ZRANB3: variants seen among roughly 807,000 people sequenced by gnomAD.
ZRANB3 encodes the protein DNA annealing helicase and endonuclease ZRANB3.
ZRANB3 carries 125 observed loss-of-function variants against 133.8 expected under a neutral mutation model. The ratio of observed to expected loss-of-function variants is 0.93; its 90% confidence interval spans 0.81 to 1.08. The LOEUF (loss-of-function observed/expected upper bound fraction) is 1.08. ZRANB3 is among the 50% of genes least tolerant of loss of function. The pLI is 0.00. For synonymous variants in ZRANB3, 387 were observed against 432.7 expected (o/e 0.89, Z 1.31); for missense variants, 1,229 against 1,275.5 (o/e 0.96, Z 0.56).
intron 12 of ZRANB3, among the ~76,000 whole-genome samples, chr2:135,250,946 T>C (rs769006072): frequency 4.6e-5 from 7 of 152,144 alleles, no homozygotes; most frequent in Non-Finnish European, 7.4e-5. Context: ...GACCCCAGAA[T>C]GGTAGATCCA....
intron 8 of ZRANB3, among the ~76,000 whole-genome samples, chr2:135,284,513 C>T (rs1217505110): frequency 6.6e-6 from 1 of 152,220 alleles, no homozygotes; most frequent in Admixed American, 6.5e-5. Flanking sequence ...GCTCTGTCGC[C>T]CAGGCTGGAG....
At chr2:135,444,257 G>C (rs958947411) in intron 2 of ZRANB3, among the ~76,000 whole-genome samples, 3 of 152,132 alleles carry the variant, frequency 2.0e-5, no homozygotes, top group African/African-American at 4.8e-5. Context: ...ATACAACCCA[G>C]TAATCCTACT....
chr2:135,329,641 A>ACTATCATACTC (rs1684034005), intron 6 of ZRANB3, among the ~76,000 whole-genome samples: 1 of 152,156 alleles, frequency 6.6e-6, no homozygotes, highest in Non-Finnish European at 1.5e-5. Context: ...TCTATAAACT[A>ACTATCATACTC]CCTTGGGCAG....
intron 11 of ZRANB3, among the ~76,000 whole-genome samples, chr2:135,268,272 C>T (rs1035929722): frequency 2.6e-5 from 4 of 152,124 alleles, no homozygotes; most frequent in Non-Finnish European, 4.4e-5. Flanking sequence ...TCAGGCAATT[C>T]TCCTGCCTCA....
At chr2:135,381,508 C>G (rs111396579) in intron 3 of ZRANB3, among the ~76,000 whole-genome samples, 1 of 152,186 alleles carries the variant, frequency 6.6e-6, no homozygotes, top group Non-Finnish European at 1.5e-5. Flanking sequence ...GTGGTTCTCC[C>G]AGCACACAGC....
intron 2 of ZRANB3, among the ~76,000 whole-genome samples, chr2:135,452,271 C>G (rs916177895): frequency 2.6e-5 from 4 of 152,078 alleles, no homozygotes; most frequent in African/African-American, 9.7e-5. Flanking sequence ...ATTACCTCCC[C>G]CTGGGTCCCT....
intron 3 of ZRANB3, among the ~76,000 whole-genome samples, chr2:135,389,610 C>T (rs1170781021): frequency 6.6e-6 from 1 of 151,904 alleles, no homozygotes. Flanking sequence ...GAGGCTGAGG[C>T]AAGAGAATTG....
At chr2:135,471,436 T>C (rs1691263378) in intron 2 of ZRANB3, among the ~76,000 whole-genome samples, 1 of 152,172 alleles carries the variant, frequency 6.6e-6, no homozygotes, top group Non-Finnish European at 1.5e-5. Flanking sequence ...AACAACCAAA[T>C]TATTACTATG....
chr2:135,522,155 T>C (rs1052066775), intron 1 of ZRANB3, among the ~76,000 whole-genome samples: 4 of 152,174 alleles, frequency 2.6e-5, no homozygotes, highest in Non-Finnish European at 5.9e-5. Flanking sequence ...TTAAGTAGTT[T>C]AGACACACGC....
intron 2 of ZRANB3, among the ~76,000 whole-genome samples, chr2:135,470,846 G>A (rs1369358659): frequency 2.0e-5 from 3 of 147,262 alleles, no homozygotes; most frequent in Admixed American, 1.4e-4. Flanking sequence ...CTGTCGCCCA[G>A]GCTGGAGTGC....
chr2:135,486,714 A>G (rs543679291), intron 2 of ZRANB3, among the ~76,000 whole-genome samples: 1 of 152,224 alleles, frequency 6.6e-6, no homozygotes, highest in Admixed American at 6.5e-5. Flanking sequence ...GGATTTTGCC[A>G]TGTTGACTAG....
chr2:135,494,226 T>C (rs1211425403), intron 2 of ZRANB3, among the ~76,000 whole-genome samples: 1 of 136,940 alleles, frequency 7.3e-6, no homozygotes, highest in Non-Finnish European at 1.5e-5. Flanking sequence ...GAGAATGGCA[T>C]GAACCCGAGA....
intron 2 of ZRANB3, among the ~76,000 whole-genome samples, chr2:135,399,811 T>C (rs1687657115): frequency 6.6e-6 from 1 of 152,192 alleles, no homozygotes; most frequent in African/African-American, 2.4e-5. Flanking sequence ...ATTCTATCAA[T>C]TCGAGACTAC....
intron 8 of ZRANB3, among the ~76,000 whole-genome samples, chr2:135,294,226 G>A (rs1262261172): frequency 6.6e-6 from 1 of 152,090 alleles, no homozygotes; most frequent in Non-Finnish European, 1.5e-5. Context: ...ATCTGGTCCT[G>A]GACTTTTTTT....
intron 12 of ZRANB3, 86 bp from the exon 13 acceptor site, chr2:135,231,013 T>A (rs1407119744): frequency 7.8e-7 from 1 of 1,279,890 alleles, no homozygotes; most frequent in East Asian, 2.6e-5. Flanking sequence ...AATATTTTAA[T>A]TAACCATATT....
chr2:135,369,494 A>C (rs1415082611), intron 3 of ZRANB3, among the ~76,000 whole-genome samples: 1 of 152,230 alleles, frequency 6.6e-6, no homozygotes, highest in Non-Finnish European at 1.5e-5. Flanking sequence ...GATAAAGGTT[A>C]AGAGAAAGAG....
chr2:135,402,011 G>T (rs1558972470), intron 2 of ZRANB3, among the ~76,000 whole-genome samples: 1 of 151,790 alleles, frequency 6.6e-6, no homozygotes, highest in Non-Finnish European at 1.5e-5. Flanking sequence ...TGCCTTATTT[G>T]TATTTAATTT....
At chr2:135,365,003 G>A (rs753469108) in intron 3 of ZRANB3, among the ~76,000 whole-genome samples, 6 of 151,070 alleles carry the variant, frequency 4.0e-5, no homozygotes, top group Non-Finnish European at 7.4e-5. Context: ...GAACAGAGAT[G>A]GTGCCACTGC....
chr2:135,343,127 G>A (rs937923838), intron 6 of ZRANB3, among the ~76,000 whole-genome samples: 2 of 144,668 alleles, frequency 1.4e-5, no homozygotes, highest in Admixed American at 1.4e-4. Flanking sequence ...CAGAGGTTGC[G>A]GTGAGCCGTG....
Sources: gnomAD v4.1 joint callset for allele counts (sites outside exome capture counted in the v4.1 genomes callset) on GRCh38, gnomAD v4.1.1 for gene constraint, MANE v1.5 for transcripts, NCBI Gene and HGNC (gene_info 2026-07-23, HGNC 2026-07-21) for gene names.